CCSER1: variants seen among roughly 807,000 people sequenced by gnomAD.
CCSER1 encodes coiled-coil serine rich protein 1.
Under a neutral mutation model 82.0 loss-of-function variants are expected in CCSER1, and 41 were observed. The ratio of observed to expected loss-of-function variants is 0.50; its 90% confidence interval spans 0.39 to 0.65. CCSER1 has a LOEUF of 0.65. Ranked by LOEUF, CCSER1 falls within the 30% of genes least tolerant of loss-of-function variation. The pLI, the probability that CCSER1 is intolerant of heterozygous loss-of-function variation, is 0.00. For missense variants in CCSER1, 1,119 were observed against 1,064.2 expected (o/e 1.05, Z -0.72); for synonymous variants, 414 against 383.9 (o/e 1.08, Z -0.92).
At chr4:90,420,027 C>T (rs1441001825) in intron 4 of CCSER1, among the ~76,000 whole-genome samples, 1 of 151,846 alleles carries the variant, frequency 6.6e-6, no homozygotes, top group African/African-American at 2.4e-5. Context: ...TCCTAATTGT[C>T]GTACTTGAAA....
At chr4:90,734,001 A>C (rs1039227415) in intron 7 of CCSER1, among the ~76,000 whole-genome samples, 2 of 152,034 alleles carry the variant, frequency 1.3e-5, no homozygotes, top group Non-Finnish European at 2.9e-5. Context: ...AGCTTTGGCT[A>C]TTCTGGGTCT....
intron 8 of CCSER1, among the ~76,000 whole-genome samples, chr4:90,918,850 C>G (rs2150232011): frequency 6.6e-6 from 1 of 151,648 alleles, no homozygotes; most frequent in African/African-American, 2.4e-5. Context: ...TTTTAGATTG[C>G]TTGAACTGAT....
intron 10 of CCSER1, among the ~76,000 whole-genome samples, chr4:91,575,767 A>T (rs1459479660): frequency 6.6e-6 from 1 of 152,014 alleles, no homozygotes; most frequent in Non-Finnish European, 1.5e-5. Context: ...CACCATCACT[A>T]ATAATCAGGG....
At chr4:90,546,096 C>T (rs1413118254) in intron 5 of CCSER1, among the ~76,000 whole-genome samples, 1 of 149,180 alleles carries the variant, frequency 6.7e-6, no homozygotes, top group Non-Finnish European at 1.5e-5. Flanking sequence ...AGCCTTCACA[C>T]CCAGAAGCAT....
chr4:90,176,268 A>C (rs1467930088), intron 1 of CCSER1, among the ~76,000 whole-genome samples: 2 of 152,092 alleles, frequency 1.3e-5, no homozygotes, highest in East Asian at 3.9e-4. Context: ...ATTCAGGAAA[A>C]AGAGTTATAA....
intron 10 of CCSER1, among the ~76,000 whole-genome samples, chr4:91,386,136 T>C (rs1466579093): frequency 6.6e-6 from 1 of 151,684 alleles, no homozygotes; most frequent in Non-Finnish European, 1.5e-5. Flanking sequence ...CCCCAGTGAA[T>C]GGACCCAGGG....
chr4:90,433,859 A>T (rs28709453), intron 4 of CCSER1, among the ~76,000 whole-genome samples: 2,682 of 146,266 alleles, frequency 0.018, 33 homozygotes, highest in African/African-American at 0.041. Context: ...CATAATTTTG[A>T]TTTCCTGGAG....
chr4:90,207,263 C>T (rs956838874), intron 1 of CCSER1, among the ~76,000 whole-genome samples: 1 of 151,952 alleles, frequency 6.6e-6, no homozygotes, highest in Non-Finnish European at 1.5e-5. Flanking sequence ...CTCTGATATC[C>T]TTTCTTCTGC....
intron 10 of CCSER1, among the ~76,000 whole-genome samples, chr4:91,147,473 AG>A (rs1261987865): frequency 6.6e-6 from 1 of 152,196 alleles, no homozygotes; most frequent in East Asian, 1.9e-4. Flanking sequence ...AGTCTTTCAG[AG>A]GGAGAGATTC....
chr4:90,155,990 G>C (rs1435729327), intron 1 of CCSER1, among the ~76,000 whole-genome samples: 1 of 152,050 alleles, frequency 6.6e-6, no homozygotes, highest in Non-Finnish European at 1.5e-5. Context: ...GATCTTTCCT[G>C]CTTCCTCTTG....
intron 10 of CCSER1, among the ~76,000 whole-genome samples, chr4:91,097,052 C>T (rs1461679682): frequency 1.3e-5 from 2 of 152,148 alleles, no homozygotes; most frequent in Admixed American, 1.3e-4. Flanking sequence ...CTCCAAGTGC[C>T]AGGTCCTTCC....
At chr4:90,134,928 T>C (rs1560664894) in intron 1 of CCSER1, among the ~76,000 whole-genome samples, 1 of 152,238 alleles carries the variant, frequency 6.6e-6, no homozygotes, top group East Asian at 1.9e-4. Flanking sequence ...TACAAAGTTA[T>C]ATATATTTTA....
intron 1 of CCSER1, among the ~76,000 whole-genome samples, chr4:90,202,955 T>G (rs1738048271): frequency 6.6e-6 from 1 of 152,228 alleles, no homozygotes; most frequent in South Asian, 2.1e-4. Flanking sequence ...ATATTTGCAA[T>G]CTGTATTTGA....
At chr4:90,968,636 A>G (rs1734795867) in intron 9 of CCSER1, among the ~76,000 whole-genome samples, 1 of 152,082 alleles carries the variant, frequency 6.6e-6, no homozygotes, top group African/African-American at 2.4e-5. Flanking sequence ...CATCCATAGA[A>G]AAGGTCTGGG....
chr4:91,576,791 T>C (rs1763472385), intron 10 of CCSER1, among the ~76,000 whole-genome samples: 1 of 151,988 alleles, frequency 6.6e-6, no homozygotes, highest in Non-Finnish European at 1.5e-5. Context: ...TAACACCACA[T>C]CAGTGCTCAA....
At chr4:91,006,501 T>C (rs919962783) in intron 9 of CCSER1, among the ~76,000 whole-genome samples, 14 of 151,720 alleles carry the variant, frequency 9.2e-5, no homozygotes, top group African/African-American at 3.4e-4. Context: ...TCTTTTTTTT[T>C]TTTTCTTAGA....
chr4:91,196,055 C>T (rs1048704117), intron 10 of CCSER1, among the ~76,000 whole-genome samples: 4 of 151,684 alleles, frequency 2.6e-5, no homozygotes, highest in African/African-American at 7.3e-5. Flanking sequence ...GGTTCGGTGG[C>T]GGGCGCCTGT....
chr4:90,250,491 T>TC (rs1722200871), intron 1 of CCSER1, among the ~76,000 whole-genome samples: 1 of 152,012 alleles, frequency 6.6e-6, no homozygotes, highest in African/African-American at 2.4e-5. Context: ...CCATTGATTT[T>TC]CCCTCTCACC....
chr4:91,258,273 G>T (rs550367334), intron 10 of CCSER1, among the ~76,000 whole-genome samples: 8 of 151,894 alleles, frequency 5.3e-5, no homozygotes, highest in Non-Finnish European at 1.0e-4. Flanking sequence ...ATTACTTAAG[G>T]CAACCCTTTT....
Sources: allele counts gnomAD v4.1 joint callset (sites outside exome capture counted in the v4.1 genomes callset), GRCh38; gene constraint gnomAD v4.1.1; transcripts MANE v1.5; gene names NCBI Gene and HGNC (gene_info 2026-07-23, HGNC 2026-07-21).